The following RARB variants were observed in gnomAD, a reference collection of about 807,000 sequenced individuals.
The protein encoded by RARB is retinoic acid receptor beta.
Under a neutral mutation model 51.9 loss-of-function variants are expected in RARB, and 17 were observed. That is an observed-to-expected ratio of 0.33 (90% CI 0.22 to 0.49). RARB has a LOEUF of 0.49. Ranked by LOEUF, RARB falls within the 20% of genes least tolerant of loss-of-function variation. The pLI, the probability that RARB is intolerant of heterozygous loss-of-function variation, is 0.99. For missense variants in RARB, 369 were observed against 550.8 expected (o/e 0.67, Z 3.30); for synonymous variants, 215 against 195.4 (o/e 1.10, Z -0.84).
chr3:25,062,961 A>G (rs1372745470), intron 3 of RARB, among the ~76,000 whole-genome samples: 2 of 152,038 alleles, frequency 1.3e-5, no homozygotes, highest in African/African-American at 4.8e-5. Context: ...GCACATGTTC[A>G]AAACTAGGAA....
chr3:25,398,855 A>C (rs1362143332), intron 5 of RARB, among the ~76,000 whole-genome samples: 2 of 152,236 alleles, frequency 1.3e-5, no homozygotes, highest in Non-Finnish European at 2.9e-5. Flanking sequence ...TATATATTTT[A>C]TGTCTGTACG....
In RARB at chr3:24,946,335, T is replaced by C. The variant is rs898590069; in HGVS notation, c.-380+87583T>C. On this transcript the variant is annotated intron_variant, in intron 2 of 11. Coordinates refer to the RARB transcript ENST00000383772. The stretch of plus-strand genomic sequence containing the variant: ...GGACAAATACAGTATTTTTCCAGAG[T>C]TGAGTTAATTTTTTTGAAACCCGAG... Among the ~76,000 whole-genome samples, 8 of 106,836 alleles carry C rather than the reference T, an allele frequency of 7.5e-5. 1 individual carries two copies. Among genetic ancestry groups the C allele is most frequent in the Admixed American group, 5.8e-4 (7 of 11,988 alleles). The allele number at this position is 106,836 out of a possible 152,430, so 70.1% of individuals were successfully genotyped here.
chr3:25,103,964 G>A (rs1212547038), intron 3 of RARB, among the ~76,000 whole-genome samples: 2 of 152,140 alleles, frequency 1.3e-5, no homozygotes, highest in Admixed American at 6.6e-5. Context: ...TCCAGATTAG[G>A]TGCCCAATTA....
chr3:24,846,886 G>A (rs945067584), intron 1 of RARB, among the ~76,000 whole-genome samples: 8 of 150,532 alleles, frequency 5.3e-5, no homozygotes, highest in African/African-American at 2.0e-4. Context: ...AAAAAAAAAG[G>A]AAGAGAAGAG....
Position 25,023,628 on chromosome 3 carries a change from C to A in RARB, c.-379-36497C>A, listed in dbSNP as rs770000185. Among the ~76,000 whole-genome samples the A allele has an allele frequency of 2.6e-5, 4 of 152,060 alleles. No individual in the cohort carries two copies. In the East Asian group the frequency reaches 7.8e-4, roughly 29 times the overall value. ...GTCTCTGGGTCACTATTATTAGGGA[C>A]TTGGGATGCGTCCTGCCACTGTGAT... On this transcript the variant is annotated intron_variant, in intron 2 of 11. Transcript: ENST00000383772.
chr3:25,424,976 T>C (rs1464620364), upstream of RARB, among the ~76,000 whole-genome samples: 6 of 152,252 alleles, frequency 3.9e-5, no homozygotes, highest in African/African-American at 1.4e-4. Flanking sequence ...CTGACAAATA[T>C]ACAGTTACTC....
chr3:24,957,045 G>T (rs141235384), intron 2 of RARB, among the ~76,000 whole-genome samples: 97 of 152,322 alleles, frequency 6.4e-4, no homozygotes, highest in Admixed American at 2.1e-3. Context: ...ATTAGATGCT[G>T]GCTGCCCCTG....
At chr3:25,169,270 G>A (rs914216982) in intron 4 of RARB, among the ~76,000 whole-genome samples, 3 of 152,168 alleles carry the variant, frequency 2.0e-5, no homozygotes, top group African/African-American at 7.2e-5. Flanking sequence ...TCCGAAAAAA[G>A]AGAGAAGCAA....
At chr3:25,425,887 T>G (rs1183679357), upstream of RARB, among the ~76,000 whole-genome samples, 1 of 152,192 alleles carries the variant, frequency 6.6e-6, no homozygotes, top group Non-Finnish European at 1.5e-5. Context: ...TAAGCAAGAA[T>G]GTGCAGCAGC....
intron 4 of RARB, among the ~76,000 whole-genome samples, chr3:25,168,974 A>G (rs907567349): frequency 1.3e-5 from 2 of 152,224 alleles, no homozygotes; most frequent in Non-Finnish European, 2.9e-5. Flanking sequence ...CACACACAGG[A>G]TCAGAAATCT....
intron 5 of RARB, among the ~76,000 whole-genome samples, chr3:25,381,431 C>T (rs1038441239): frequency 6.6e-6 from 1 of 152,218 alleles, no homozygotes; most frequent in Non-Finnish European, 1.5e-5. Context: ...AAAGTTACTT[C>T]TCCGGATCAC....
At chr3:25,346,743 C>G (rs1444229769) in intron 5 of RARB, among the ~76,000 whole-genome samples, 1 of 152,198 alleles carries the variant, frequency 6.6e-6, no homozygotes, top group East Asian at 1.9e-4. Flanking sequence ...CCCTACAAGA[C>G]TTGCTGGCAG....
intron 2 of RARB, among the ~76,000 whole-genome samples, chr3:25,488,702 C>G (rs535750631): frequency 3.4e-4 from 51 of 152,130 alleles, no homozygotes; most frequent in Non-Finnish European, 6.6e-4. Flanking sequence ...AATTTTGATA[C>G]AGGAAATAGA....
intron 4 of RARB, among the ~76,000 whole-genome samples, chr3:25,164,636 T>C (rs557677429): frequency 1.3e-5 from 2 of 152,370 alleles, no homozygotes; most frequent in East Asian, 3.9e-4. Flanking sequence ...TATGTTGTAA[T>C]ATTTAAATAT....
intron 2 of RARB, among the ~76,000 whole-genome samples, chr3:24,961,207 G>A (rs1329606607): frequency 6.6e-6 from 1 of 152,154 alleles, no homozygotes; most frequent in Non-Finnish European, 1.5e-5. Context: ...AAGAGATTCT[G>A]TTGTTCAATT....
chr3:25,191,591 T>C lies in RARB; in HGVS notation c.178+17016T>C, dbSNP rs141747973. 5.4e-3 allele frequency among the ~76,000 whole-genome samples: 817 copies of C among 152,264 alleles called. 14 individuals are homozygous for C. The highest frequency in any genetic ancestry group is 0.017 in the African/African-American group (719 of 41,564). On this transcript the variant is annotated intron_variant, in intron 5 of 11. Coordinates refer to the RARB transcript ENST00000383772. ...GGGAAATAAGTGAAAAGATCCATAT[T>C]GAGCTTTTAAATCACTTTGCTGGAT... is the stretch of plus-strand genomic sequence containing the variant.
At position 25,494,250 on chromosome 3, in the gene RARB, T is replaced by TACACAC. The variant is rs142658742; in HGVS notation, c.307-6930_307-6929insACACAC. Among the ~76,000 whole-genome samples, 370 of 137,172 alleles carry TACACAC rather than the reference T, an allele frequency of 2.7e-3. 4 individuals are homozygous for TACACAC. Among genetic ancestry groups the TACACAC allele is most frequent in the African/African-American group, 9.3e-3 (362 of 38,748 alleles). 90.0% of individuals were successfully genotyped at this position (137,172 alleles called of 152,430 possible). A position where few individuals can be genotyped will look rare whatever the true frequency, so the allele number is the denominator to read the frequency against. On this transcript the variant is annotated intron_variant, in intron 2 of 7. Coordinates refer to ENST00000330688, the MANE Select transcript of RARB (RefSeq NM_000965.5). ...TTAGCCCCCTTTTCCAGCTGTATCT[T>TACACAC]ACGCACACACACACACACACACACA...
At position 25,452,132 on chromosome 3, in the gene RARB, C is replaced by T. The variant is rs144623814; in HGVS notation, c.158-9061C>T. Among the ~76,000 whole-genome samples, 7 of 152,264 alleles carry T rather than the reference C, an allele frequency of 4.6e-5. No homozygotes were observed. The East Asian group carries it at 9.6e-4, about 21-fold the overall frequency. On this transcript the variant is annotated intron_variant, in intron 1 of 7. Coordinates refer to ENST00000330688, the MANE Select transcript of RARB (RefSeq NM_000965.5). The stretch of plus-strand genomic sequence containing the variant: ...ATCATTAATAAGCAGTTAGATGTGT[C>T]GGCCTGTTAAGTGACTGTAAGAGAG...
At chr3:25,499,255 C>G (rs1295795639) in intron 2 of RARB, among the ~76,000 whole-genome samples, 2 of 152,080 alleles carry the variant, frequency 1.3e-5, no homozygotes, top group African/African-American at 4.8e-5. Flanking sequence ...AAGTTGAACT[C>G]AGATGGTGGG....
Sources: gnomAD v4.1 joint callset for allele counts (sites outside exome capture counted in the v4.1 genomes callset) on GRCh38, gnomAD v4.1.1 for gene constraint, MANE v1.5 for transcripts, NCBI Gene and HGNC (gene_info 2026-07-23, HGNC 2026-07-21) for gene names.